G2E3: variants seen among roughly 807,000 people sequenced by gnomAD.
G2E3 encodes G2/M-phase specific E3 ubiquitin protein ligase.
A neutral mutation model predicts 92.8 loss-of-function variants in G2E3; 35 were observed. The ratio of observed to expected loss-of-function variants is 0.38; its 90% CI spans 0.29 to 0.50. G2E3 has a LOEUF of 0.50. Among genes scored for constraint, G2E3 ranks in the 20% least tolerant of loss-of-function variants. G2E3 has a pLI of 0.94. For synonymous variants in G2E3, 242 were observed against 272.4 expected (o/e 0.89, Z 1.10); for missense variants, 554 against 823.8 (o/e 0.67, Z 4.01).
At chr14:30,565,262 A>G (rs1879359810) in intron 1 of G2E3, among the ~76,000 whole-genome samples, 5 of 152,088 alleles carry the variant, frequency 3.3e-5, no homozygotes, top group Admixed American at 3.3e-4. Flanking sequence ...GGCCATTTGA[A>G]TATTTTCTTT....
Position 30,585,206 on chromosome 14 carries a change from T to C in G2E3, c.38-1512T>C, listed in dbSNP as rs546610682. Among the ~76,000 whole-genome samples the C allele has an allele frequency of 3.3e-5, 5 of 152,304 alleles. No individual in the cohort carries two copies. In the South Asian group the frequency reaches 8.3e-4, roughly 25 times the overall value. ...ATTATCATTTTTTTCTTTTGTTACC[T>C]GTGCTTTTAGTATCATGTGAACTCT... On this transcript the variant is annotated intron_variant, in intron 2 of 14. Coordinates refer to ENST00000206595, the MANE Select transcript of G2E3 (RefSeq NM_017769.5).
At chr14:30,574,843 G>T (rs1261985398) in intron 1 of G2E3, among the ~76,000 whole-genome samples, 1 of 152,192 alleles carries the variant, frequency 6.6e-6, no homozygotes, top group Non-Finnish European at 1.5e-5. Flanking sequence ...CATTTAGGCT[G>T]ATTCCACGTC....
intron 3 of G2E3, 40 bp from the exon 4 acceptor site, chr14:30,589,342 GT>G (rs754920776): frequency 8.7e-7 from 1 of 1,154,524 alleles, no homozygotes; most frequent in Non-Finnish European, 1.3e-6. Context: ...TGCCCAACTA[GT>G]TTCTTAGAGT....
At chr14:30,584,697 C>G (rs1880608959) in intron 2 of G2E3, among the ~76,000 whole-genome samples, 1 of 151,432 alleles carries the variant, frequency 6.6e-6, no homozygotes, top group Non-Finnish European at 1.5e-5. Flanking sequence ...GGAGAAATGT[C>G]TATTCAAATC....
At chr14:30,579,567 A>G (rs1161041973) in intron 1 of G2E3, among the ~76,000 whole-genome samples, 13 of 152,228 alleles carry the variant, frequency 8.5e-5, no homozygotes, top group Admixed American at 7.2e-4. Flanking sequence ...TCTGTGTCCT[A>G]CATTTTGTGG....
chr14:30,597,208 A>G (rs1275001935), intron 6 of G2E3, among the ~76,000 whole-genome samples: 1 of 152,180 alleles, frequency 6.6e-6, no homozygotes, highest in African/African-American at 2.4e-5. Flanking sequence ...AAAGCTAAGT[A>G]TTAATTAGCT....
At position 30,616,711 on chromosome 14, in the gene G2E3, T is replaced by C. The variant is rs898019133; in HGVS notation, c.*177T>C. 8.1e-6 allele frequency: 4 copies of C among 496,198 alleles called. No homozygotes were observed. Among genetic ancestry groups the C allele is most frequent in the African/African-American group, 2.0e-5 (1 of 49,516 alleles). 30.7% of individuals were successfully genotyped at this position (496,198 alleles called of 1,614,324 possible). ...CACTTAGGCTAAAAAAAGGTTTTTT[T>C]TGTTAAAGCATACTAGTCAAAATTG... is the stretch of plus-strand genomic sequence containing the variant. On this transcript the variant is annotated 3_prime_UTR_variant, in exon 15 of 15. Coordinates refer to ENST00000206595, the MANE Select transcript of G2E3 (RefSeq NM_017769.5).
At chr14:30,612,431 G>A (rs768680569) in intron 13 of G2E3, 52 bp downstream of exon 13, 2 of 1,120,480 alleles carry the variant, frequency 1.8e-6, no homozygotes, top group South Asian at 3.3e-5. Flanking sequence ...GTTTAAAGTG[G>A]TTAATTATCT....
At chr14:30,566,633 A>G (rs1879454342) in intron 1 of G2E3, among the ~76,000 whole-genome samples, 1 of 152,204 alleles carries the variant, frequency 6.6e-6, no homozygotes, top group Non-Finnish European at 1.5e-5. Flanking sequence ...GTTTTTTGTG[A>G]ATTCTGTAGG....
chr14:30,563,986 T>G (rs1879283971), intron 1 of G2E3, among the ~76,000 whole-genome samples: 1 of 152,210 alleles, frequency 6.6e-6, no homozygotes, highest in African/African-American at 2.4e-5. Flanking sequence ...CCCAAAGTCC[T>G]GGGATTACAG....
At chr14:30,594,318 C>T (rs1287382436) in intron 6 of G2E3, among the ~76,000 whole-genome samples, 1 of 152,100 alleles carries the variant, frequency 6.6e-6, no homozygotes, top group Non-Finnish European at 1.5e-5. Context: ...AAGTTTAATA[C>T]TGTTTTTTAA....
intron 1 of G2E3, among the ~76,000 whole-genome samples, chr14:30,564,009 G>C (rs1250945537): frequency 1.3e-5 from 2 of 152,004 alleles, no homozygotes; most frequent in African/African-American, 4.8e-5. Context: ...GTGAGCCACC[G>C]CGCCCAGCCA....
At chr14:30,569,498 G>A (rs1378668772) in intron 1 of G2E3, among the ~76,000 whole-genome samples, 2 of 152,180 alleles carry the variant, frequency 1.3e-5, no homozygotes, top group African/African-American at 4.8e-5. Context: ...ACATAAGGTA[G>A]CAGATACATT....
At chr14:30,569,850 A>T (rs1261208217) in intron 1 of G2E3, among the ~76,000 whole-genome samples, 2 of 152,208 alleles carry the variant, frequency 1.3e-5, no homozygotes, top group Non-Finnish European at 2.9e-5. Context: ...AATTCCTGAC[A>T]TTCCCCAAAC....
rs570292207 is a variant in G2E3, at chr14:30,605,681, T to C, written c.1187T>C (p.Ile396Thr). Residue 396 changes from isoleucine (I) to threonine (T), a missense_variant, in exon 11 of 15, where the codon ATT becomes ACT. Ile to Thr is a moderately conservative substitution (Grantham distance 89). This residue lies in a region of G2E3 where 397 missense variants were observed against 560.3 expected (regional missense o/e 0.71). Coordinates refer to ENST00000206595, the MANE Select transcript of G2E3 (RefSeq NM_017769.5). ...PSYAIEVAYV[I>T]ENDNFGSEHP... is the part of the protein sequence containing the mutation. Reference sequence around the variant, plus strand: ...TATGCAATTGAAGTAGCATATGTTATTGAAAATGATAATTTTGGAAGTGAG... The same window carrying C: ...TATGCAATTGAAGTAGCATATGTTACTGAAAATGATAATTTTGGAAGTGAG... 1.2e-6 allele frequency: 2 copies of C among 1,610,034 alleles called. No individual in the cohort carries two copies. The highest frequency in any genetic ancestry group is 2.2e-5 in the East Asian group (1 of 44,736).
chr14:30,599,287 G>A lies in G2E3; in HGVS notation c.752+688G>A, dbSNP rs1222238266. On this transcript the variant is annotated intron_variant, in intron 8 of 14. Transcript: ENST00000206595. ...CTGTTGCCCAGACTGGAGTACAGTG[G>A]CATGATCTCAGCTCACTGCAACCTC... Among the ~76,000 whole-genome samples the A allele has an allele frequency of 6.3e-4, 96 of 152,114 alleles. 1 individual carries two copies. The highest frequency in any genetic ancestry group is 2.1e-4 in the Non-Finnish European group (14 of 68,018).
intron 10 of G2E3, among the ~76,000 whole-genome samples, chr14:30,604,582 ATGCTGCTGC>A (rs148435440): frequency 6.6e-6 from 1 of 151,678 alleles, no homozygotes; most frequent in East Asian, 1.9e-4. Flanking sequence ...TTCTGGGGTA[ATGCTGCTGC>A]TGCTGCTGCT....
chr14:30,595,382 ATGT>A (rs2138861135), intron 6 of G2E3, among the ~76,000 whole-genome samples: 1 of 152,304 alleles, frequency 6.6e-6, no homozygotes, highest in South Asian at 2.1e-4. Flanking sequence ...TTGTAGCAGT[ATGT>A]TATTTTTCAT....
At chr14:30,559,901 A>G (rs1207226614) in intron 1 of G2E3, 1 of 152,116 alleles carries the variant, frequency 6.6e-6, no homozygotes, top group African/African-American at 2.4e-5. Flanking sequence ...GTACCGCAAA[A>G]ATCCGAGACT....
Sources: gnomAD v4.1 joint callset for allele counts (sites outside exome capture counted in the v4.1 genomes callset) on GRCh38, gnomAD v4.1.1 for gene constraint, gnomAD v4.1.1 regional missense constraint, MANE v1.5 for transcripts, NCBI Gene and HGNC (gene_info 2026-07-23, HGNC 2026-07-21) for gene names.